Variants in CDC20 observed in about 807,000 individuals in gnomAD.
The protein encoded by CDC20 is cell division cycle protein 20 homolog.
A neutral mutation model predicts 60.0 loss-of-function variants in CDC20; 34 were observed. That is an observed-to-expected ratio of 0.57 (90% CI 0.43 to 0.75). CDC20 has a LOEUF of 0.75. Among genes scored for constraint, CDC20 ranks in the 30% least tolerant of loss-of-function variants. The pLI is 0.00. For synonymous variants in CDC20, 198 were observed against 243.5 expected (o/e 0.81, Z 1.74); for missense variants, 469 against 647.3 (o/e 0.72, Z 2.99).
chr1:43,363,038 G>T lies in CDC20; in HGVS notation c.1409G>T (p.Trp470Leu). 6.2e-7 allele frequency: 1 copy of T among 1,613,724 alleles called. No homozygotes were observed. The highest frequency in any genetic ancestry group is 8.5e-7 in the Non-Finnish European group (1 of 1,179,906). Residue 470 changes from tryptophan (W) to leucine (L), a missense_variant, in exon 11 of 11, where the codon TGG becomes TTG. By Grantham distance (61) the Trp-to-Leu change is moderately conservative (BLOSUM62 -2). Transcript: ENST00000310955. ...GCAGCAGATGAGACCCTGAGGCTAT[G>T]GCGCTGTTTTGAGTTGGACCCTGCG... ...SAAADETLRL[W>L]RCFELDPARR...
rs839763 is a variant in CDC20, at chr1:43,359,973, T to C, written c.432T>C (p.Tyr144=). Residue 144 remains tyrosine, a synonymous_variant, in exon 5 of 11, where the codon TAT becomes TAC. Coordinates refer to ENST00000310955, the MANE Select transcript of CDC20 (RefSeq NM_001255.3). ...AGACTCACTCCGTTGCCACAGGTTA[T>C]CAGAACAGACTGAAAGTACTCTACA... ...SGKPQNAPEG[Y]QNRLKVLYSQ... is the part of the protein sequence containing the mutation. 572,676 of 1,613,612 alleles carry C rather than the reference T, an allele frequency of 0.35. 106,147 individuals carry two copies. Among genetic ancestry groups the C allele is most frequent in the Middle Eastern group, 0.39 (2,379 of 6,062 alleles).
rs760334505 is a variant in CDC20, at chr1:43,359,639, G to A, written c.330+1G>A. Reference sequence around the variant, plus strand: ...AAACAGCCAGACGCCCACCAAGAAGGTATGTGTCCCAGAGGGGCTTAAGGC... The same window carrying A: ...AAACAGCCAGACGCCCACCAAGAAGATATGTGTCCCAGAGGGGCTTAAGGC... On this transcript the variant is annotated splice_donor_variant, in intron 3 of 10. Transcript: ENST00000310955. LOFTEE classifies it high-confidence loss of function. 6.2e-7 allele frequency: 1 copy of A among 1,613,904 alleles called. No homozygotes were observed. Among genetic ancestry groups the A allele is most frequent in the East Asian group, 2.2e-5 (1 of 44,880 alleles).
In CDC20 at chr1:43,359,595, G is replaced by C; in HGVS notation, c.287G>C (p.Ser96Thr). The C allele has an allele frequency of 1.9e-6, 3 of 1,614,014 alleles. No individual in the cohort carries two copies. In the African/African-American group the frequency reaches 4.0e-5, roughly 22 times the overall value. ...AQMEVASFLL[S>T]KENQPENSQT... is the part of the protein sequence containing the mutation. ...ATGGAGGTGGCCAGCTTCCTCCTGA[G>C]CAAGGAGAACCAGCCTGAAAACAGC... The change falls in exon 3 of 11, where the codon AGC becomes ACC. Residue 96 changes from serine (S) to threonine (T), a missense_variant. Physicochemically the swap from Ser to Thr is moderately conservative, Grantham distance 58. Coordinates refer to ENST00000310955, the MANE Select transcript of CDC20 (RefSeq NM_001255.3).
intron 9 of CDC20, among the ~76,000 whole-genome samples, 165 bp from the exon 10 acceptor site, chr1:43,362,030 T>G (rs1435199327): frequency 6.6e-6 from 1 of 152,254 alleles, no homozygotes; most frequent in Non-Finnish European, 1.5e-5. Context: ...AATGGTTACA[T>G]CAGCGAGTGT....
intron 9 of CDC20, 130 bp downstream of exon 9, chr1:43,361,375 T>G (rs541760060): frequency 3.9e-5 from 35 of 889,888 alleles, no homozygotes; most frequent in Non-Finnish European, 4.6e-5. Flanking sequence ...CTCATGAGCT[T>G]CATTTCCAAC....
At chr1:43,359,065 G>A in intron 1 of CDC20, 59 bp downstream of exon 1, 2 of 756,158 alleles carry the variant, frequency 2.6e-6, no homozygotes, top group East Asian at 2.6e-5. Context: ...GGGGTGCTAG[G>A]CCGGAAGGGG....
rs1334550960 is a variant in CDC20 at position 43,360,105 on chromosome 1, C to T, written c.556+8C>T. The T allele has an allele frequency of 1.9e-6, 3 of 1,614,222 alleles. No homozygotes were observed. Among genetic ancestry groups the T allele is most frequent in the Non-Finnish European group, 1.7e-6 (2 of 1,180,034 alleles). The stretch of plus-strand genomic sequence containing the variant: ...AAATCCGAAATGACTATTGTAAGTG[C>T]ATCCTTATCCTCGCCTCATGCATGG... On this transcript the variant is annotated splice_region_variant and intron_variant, in intron 5 of 10. Coordinates refer to ENST00000310955, the MANE Select transcript of CDC20 (RefSeq NM_001255.3).
Position 43,359,725 on chromosome 1 carries a change from GAAC to G in CDC20, c.333_335del (p.Glu111_His112delinsAsp). 6.2e-7 allele frequency: 1 copy of G among 1,613,926 alleles called. No homozygotes were observed. Among genetic ancestry groups the G allele is most frequent in the East Asian group, 2.2e-5 (1 of 44,876 alleles). ...GCTCCTTCACTACCCTTTATGCCAG[GAAC>G]ATCAGAAAGCCTGGGCTTTGAACCT... On this transcript the variant is annotated inframe_deletion and splice_region_variant, in exon 4 of 11. Coordinates refer to ENST00000310955, the MANE Select transcript of CDC20 (RefSeq NM_001255.3).
chr1:43,361,930 A>C (rs1047557487), intron 9 of CDC20, among the ~76,000 whole-genome samples: 1 of 152,200 alleles, frequency 6.6e-6, no homozygotes. Flanking sequence ...CAACCTATTG[A>C]ACTTCCTTCT....
In CDC20 at chr1:43,361,138, T is replaced by C; in HGVS notation, c.1096T>C (p.Trp366Arg). ...GAVKAVAWCP[W>R]QSNVLATGGG... Reference sequence around the variant, plus strand: ...CATCTAGGCCGTAGCATGGTGTCCCTGGCAGTCCAATGTCCTGGCAACAGG... The same window carrying C: ...CATCTAGGCCGTAGCATGGTGTCCCCGGCAGTCCAATGTCCTGGCAACAGG... Residue 366 changes from tryptophan to arginine, a missense_variant, in exon 9 of 11, where the codon TGG becomes CGG. Coordinates refer to ENST00000310955, the MANE Select transcript of CDC20 (RefSeq NM_001255.3). The C allele has an allele frequency of 1.9e-6, 3 of 1,614,120 alleles. No homozygotes were observed. Among genetic ancestry groups the C allele is most frequent in the Non-Finnish European group, 2.5e-6 (3 of 1,180,022 alleles).
chr1:43,361,157 CA>C lies in CDC20; in HGVS notation c.1117del (p.Thr373GlnfsTer21). 2 of 1,613,958 alleles carry C rather than the reference CA, an allele frequency of 1.2e-6. No homozygotes were observed. Among genetic ancestry groups the C allele is most frequent in the Non-Finnish European group, 1.7e-6 (2 of 1,179,904 alleles). On this transcript the variant is annotated frameshift_variant, in exon 9 of 11. Coordinates refer to ENST00000310955, the MANE Select transcript of CDC20 (RefSeq NM_001255.3). LOFTEE classifies it high-confidence loss of function. ...TGTCCCTGGCAGTCCAATGTCCTGG[CA>C]ACAGGAGGGGGCACCAGTGATCGAC... The part of the protein sequence containing the change: ...AWCPWQSNVL[A>X]TGGGTSDRHI...
rs746561031 is a variant in CDC20, at chr1:43,360,248, C to T, written c.612C>T (p.Asn204=). 6.2e-7 allele frequency: 1 copy of T among 1,614,224 alleles called. No individual in the cohort carries two copies. The highest frequency in any genetic ancestry group is 1.1e-5 in the South Asian group (1 of 91,084). Residue 204 remains asparagine (N), a synonymous_variant, in exon 6 of 11, where the codon AAC becomes AAT. Transcript: ENST00000310955. ...SGNVLAVALD[N]SVYLWSASSG... ...ATGTACTGGCCGTGGCACTGGACAA[C>T]AGTGTGTACCTGTGGAGTGCAAGCT...
In CDC20 at chr1:43,363,009, C is replaced by G; in HGVS notation, c.1380C>G (p.Ser460=). ...TMSPDGATVA[S]AAADETLRLW... ...GCCCAGATGGGGCCACAGTGGCATC[C>G]GCAGCAGCAGATGAGACCCTGAGGC... The change falls in exon 11 of 11, where the codon TCC becomes TCG. Residue 460 remains serine, a synonymous_variant. Transcript: ENST00000310955. 1 of 1,611,030 alleles carries G rather than the reference C, an allele frequency of 6.2e-7. No individual in the cohort carries two copies. The highest frequency in any genetic ancestry group is 8.5e-7 in the Non-Finnish European group (1 of 1,178,858).
In CDC20 at chr1:43,359,738, C is replaced by T. The variant is rs757864342; in HGVS notation, c.344C>T (p.Ala115Val). 1.2e-6 allele frequency: 2 copies of T among 1,613,872 alleles called. No individual in the cohort carries two copies. The highest frequency in any genetic ancestry group is 2.2e-5 in the South Asian group (2 of 91,086). The change falls in exon 4 of 11, where the codon GCC becomes GTC. Residue 115 changes from alanine to valine, a missense_variant. Coordinates refer to ENST00000310955, the MANE Select transcript of CDC20 (RefSeq NM_001255.3). ...QTPTKKEHQK[A>V]WALNLNGFDV... The stretch of plus-strand genomic sequence containing the variant: ...CCTTTATGCCAGGAACATCAGAAAG[C>T]CTGGGCTTTGAACCTGAACGGTTTT...
intron 10 of CDC20, 35 bp downstream of exon 10, chr1:43,362,347 C>T (rs1408557885): frequency 1.1e-6 from 1 of 891,474 alleles, no homozygotes; most frequent in Non-Finnish European, 1.9e-6. Flanking sequence ...ACATAAAAGG[C>T]CACATAATGT....
At chr1:43,359,864 C>T (rs1410618028) in intron 4 of CDC20, 43 bp downstream of exon 4, 1 of 1,608,348 alleles carries the variant, frequency 6.2e-7, no homozygotes, top group Admixed American at 1.7e-5. Flanking sequence ...GGTGTCAGTT[C>T]ATCTCCAGGG....
chr1:43,362,110 C>T (rs1647175221), intron 9 of CDC20, 85 bp from the exon 10 acceptor site: 3 of 747,254 alleles, frequency 4.0e-6, no homozygotes, highest in East Asian at 2.5e-5. Flanking sequence ...GAGCATGTGG[C>T]AGGGTGCCTA....
chr1:43,362,814 A>G (rs1647178662), intron 10 of CDC20, 137 bp from the exon 11 acceptor site: 1 of 656,580 alleles, frequency 1.5e-6, no homozygotes, highest in East Asian at 2.8e-5. Flanking sequence ...GCAGTGAGCC[A>G]AGATTGCGCC....
rs2153921952 is a variant in CDC20, at chr1:43,359,403, G to A, written c.181+7G>A. 1 of 1,612,900 alleles carries A rather than the reference G, an allele frequency of 6.2e-7. No homozygotes were observed. ...ACTCCGGGCCGAACTCCTGGTCAGT[G>A]AGGTGCCAAAGGAACTGAGTGAGAG... On this transcript the variant is annotated splice_region_variant and intron_variant, in intron 2 of 10. Transcript: ENST00000310955.
Sources: gnomAD v4.1 joint callset for allele counts (sites outside exome capture counted in the v4.1 genomes callset) on GRCh38, gnomAD v4.1.1 for gene constraint, MANE v1.5 for transcripts, NCBI Gene and HGNC (gene_info 2026-07-23, HGNC 2026-07-21) for gene names.